Variants in ASIC2 observed in about 807,000 individuals in gnomAD.
ASIC2 encodes acid-sensing ion channel 2.
Under a neutral mutation model 57.3 loss-of-function variants are expected in ASIC2, and 25 were observed. The observed-to-expected ratio is 0.44, with a 90% CI of 0.32 to 0.61. The LOEUF is 0.61. Ranked by LOEUF, ASIC2 falls within the 20% of genes least tolerant of loss-of-function variation. ASIC2 has a pLI of 0.06. For synonymous variants in ASIC2, 319 were observed against 307.5 expected, an observed-to-expected ratio of 1.04 and a Z score of -0.39; for missense variants, 641 against 738.1, an observed-to-expected ratio of 0.87 and a Z score of 1.52.
At chr17:33,508,174 C>T (rs1013405602) in intron 1 of ASIC2, among the ~76,000 whole-genome samples, 2 of 152,062 alleles carry the variant, frequency 1.3e-5, no homozygotes, top group African/African-American at 2.4e-5. Context: ...TCCCTCCATG[C>T]CCCTCCTCCC....
At chr17:34,028,702 G>T (rs1204689382) in intron 1 of ASIC2, among the ~76,000 whole-genome samples, 1 of 152,210 alleles carries the variant, frequency 6.6e-6, no homozygotes, top group East Asian at 1.9e-4. Context: ...ACTCCCACAG[G>T]TGTTCCTGGA....
chr17:33,427,666 A>G (rs1911263061), intron 1 of ASIC2, among the ~76,000 whole-genome samples: 1 of 152,214 alleles, frequency 6.6e-6, no homozygotes, highest in Non-Finnish European at 1.5e-5. Flanking sequence ...AGCAAGACAA[A>G]GGCAGAGCCT....
At chr17:33,543,965 A>G (rs1273502245) in intron 1 of ASIC2, among the ~76,000 whole-genome samples, 2 of 152,220 alleles carry the variant, frequency 1.3e-5, no homozygotes, top group African/African-American at 4.8e-5. Context: ...CATAAGCACC[A>G]TACAGTAAAG....
chr17:33,947,835 A>G (rs1055980799), intron 1 of ASIC2, among the ~76,000 whole-genome samples: 1 of 152,198 alleles, frequency 6.6e-6, no homozygotes, highest in Non-Finnish European at 1.5e-5. Context: ...TCTAAGTTAC[A>G]TATTATGTAT....
intron 1 of ASIC2, among the ~76,000 whole-genome samples, chr17:34,118,035 G>A (rs1279903424): frequency 6.6e-6 from 1 of 152,162 alleles, no homozygotes; most frequent in Non-Finnish European, 1.5e-5. Flanking sequence ...TCTTCTTCTG[G>A]TGTCAGGCTG....
intron 1 of ASIC2, among the ~76,000 whole-genome samples, chr17:33,651,361 A>T (rs945441781): frequency 1.3e-5 from 2 of 152,210 alleles, no homozygotes; most frequent in Admixed American, 6.5e-5. Flanking sequence ...ATTTCAAAAT[A>T]AAAAAAGTCT....
At chr17:33,987,658 C>A (rs1262158095) in intron 1 of ASIC2, among the ~76,000 whole-genome samples, 2 of 151,806 alleles carry the variant, frequency 1.3e-5, no homozygotes, top group Non-Finnish European at 2.9e-5. Context: ...ACCAACTAAC[C>A]AACCAACCAA....
chr17:33,866,285 C>T (rs988646639), intron 1 of ASIC2, among the ~76,000 whole-genome samples: 10 of 152,124 alleles, frequency 6.6e-5, no homozygotes, highest in Admixed American at 4.6e-4. Flanking sequence ...TACCAATTTA[C>T]ACCCCAACAT....
At chr17:33,498,376 C>T (rs9900549) in intron 1 of ASIC2, among the ~76,000 whole-genome samples, 55,770 of 152,044 alleles carry the variant, frequency 0.37, 10,523 homozygotes, top group East Asian at 0.58. Context: ...CAGTGTGGAG[C>T]GTGGCTGCTG....
intron 1 of ASIC2, chr17:33,792,957 TTAAG>T (rs1464674222): frequency 1.3e-5 from 2 of 152,200 alleles, no homozygotes; most frequent in African/African-American, 4.8e-5. Context: ...GCCAAGGGGA[TTAAG>T]TGAGATTCAT....
rs147563424 is a variant in ASIC2 at position 33,365,343 on chromosome 17, T to C, written c.556-253276A>G. Among the ~76,000 whole-genome samples, 64 of 152,194 alleles carry C rather than the reference T, an allele frequency of 4.2e-4. No homozygotes were observed. The South Asian group carries it at 5.2e-3, about 12-fold the overall frequency. On this transcript the variant is annotated intron_variant, in intron 1 of 9. Coordinates refer to the ASIC2 transcript ENST00000359872. The stretch of plus-strand genomic sequence containing the variant: ...AGTATTGTATTTGTTATCTGCCTCT[T>C]TCATGAGAATGCAAGCTCCTAGGGT...
intron 1 of ASIC2, among the ~76,000 whole-genome samples, chr17:33,322,331 C>G (rs1234513659): frequency 6.6e-6 from 1 of 152,126 alleles, no homozygotes; most frequent in African/African-American, 2.4e-5. Flanking sequence ...CCAAATATTG[C>G]CAAAATCCAG....
In ASIC2 at chr17:34,039,078, T is replaced by A. The variant is rs189081145; in HGVS notation, c.555+116900A>T. 404 of 1,614,124 alleles carry A rather than the reference T, an allele frequency of 2.5e-4. 1 individual carries two copies. The African/African-American group carries it at 5.0e-3, about 20-fold the overall frequency. ...GGAGTTTCTTGCTCATTGTCACACA[T>A]CTATTTAATCGTTCCTTGTATTTCT... On this transcript the variant is annotated intron_variant, in intron 1 of 9. Coordinates refer to the ASIC2 transcript ENST00000359872.
intron 1 of ASIC2, among the ~76,000 whole-genome samples, chr17:33,597,335 T>C (rs1905011209): frequency 3.3e-5 from 5 of 152,210 alleles, no homozygotes; most frequent in Non-Finnish European, 7.4e-5. Flanking sequence ...TCACCTACTG[T>C]AGACTCCAAG....
At chr17:33,579,315 T>C (rs887224506) in intron 1 of ASIC2, among the ~76,000 whole-genome samples, 25 of 136,684 alleles carry the variant, frequency 1.8e-4, no homozygotes, top group African/African-American at 6.6e-4. Context: ...TGCAGGTGGG[T>C]GACTCAGATG....
chr17:33,848,527 C>T (rs1250927347), intron 1 of ASIC2, among the ~76,000 whole-genome samples: 1 of 152,166 alleles, frequency 6.6e-6, no homozygotes, highest in East Asian at 1.9e-4. Flanking sequence ...GCTTTAGAGG[C>T]TCTCATGCCC....
chr17:33,040,638 C>T (rs905942656), intron 3 of ASIC2, among the ~76,000 whole-genome samples: 8 of 152,130 alleles, frequency 5.3e-5, no homozygotes, highest in Non-Finnish European at 7.3e-5. Flanking sequence ...CTGGAGAAAC[C>T]GATCAAGACG....
chr17:33,811,250 C>A (rs11080238), intron 1 of ASIC2, among the ~76,000 whole-genome samples: 19,914 of 152,200 alleles, frequency 0.13, 1,384 homozygotes, highest in East Asian at 0.19. Flanking sequence ...TGGCCCTGCT[C>A]TTCATTTCAC....
intron 1 of ASIC2, among the ~76,000 whole-genome samples, chr17:33,229,172 G>C (rs1216832063): frequency 1.3e-5 from 2 of 152,136 alleles, no homozygotes; most frequent in Non-Finnish European, 2.9e-5. Flanking sequence ...GGTGTACCAA[G>C]CAAGAGGAGA....
Sources: allele counts gnomAD v4.1 joint callset (sites outside exome capture counted in the v4.1 genomes callset), GRCh38; gene constraint gnomAD v4.1.1; transcripts MANE v1.5; gene names NCBI Gene and HGNC (gene_info 2026-07-23, HGNC 2026-07-21).